COP1: variants seen among roughly 807,000 people sequenced by gnomAD.
The protein encoded by COP1 is E3 ubiquitin-protein ligase COP1.
In COP1, 24 loss-of-function variants were observed where a neutral mutation model predicts 101.3. The observed-to-expected ratio is 0.24, with a 90% CI of 0.17 to 0.33. COP1 has a LOEUF of 0.33. Ranked by LOEUF, COP1 falls within the 10% of genes least tolerant of loss-of-function variation. COP1 has a pLI of 1.00. For missense variants in COP1, 663 were observed against 906.2 expected, an observed-to-expected ratio of 0.73 and a Z score of 3.45; for synonymous variants, 347 against 341.9, an observed-to-expected ratio of 1.01 and a Z score of -0.17.
intron 1 of COP1, among the ~76,000 whole-genome samples, chr1:176,199,690 G>A (rs993686267): frequency 2.0e-5 from 3 of 152,092 alleles, no homozygotes; most frequent in African/African-American, 7.2e-5. Context: ...CCGACTAAAG[G>A]ACTCCATTAA....
In COP1 at chr1:176,207,218, G is replaced by T; in HGVS notation, c.-240C>A. ...AGGCACTACCGCTGTCGAGGCCGCCGCCGCCACCGCGGTCCCTGTAGCAGC... is the reference window on the plus strand; with the variant it reads ...AGGCACTACCGCTGTCGAGGCCGCCTCCGCCACCGCGGTCCCTGTAGCAGC... On this transcript the variant is annotated 5_prime_UTR_variant, in exon 1 of 20. Transcript: ENST00000367669. 1 of 401,658 alleles carries T rather than the reference G, an allele frequency of 2.5e-6. No homozygotes were observed. The highest frequency in any genetic ancestry group is 3.6e-5 in the East Asian group (1 of 28,024). 24.9% of individuals were successfully genotyped at this position (401,658 alleles called of 1,614,324 possible). A position where few individuals can be genotyped will look rare whatever the true frequency, so the allele number is the denominator to read the frequency against.
chr1:175,956,301 T>G (rs1394841256), intron 18 of COP1, among the ~76,000 whole-genome samples: 3 of 152,088 alleles, frequency 2.0e-5, no homozygotes, highest in African/African-American at 7.2e-5. Flanking sequence ...CAACCATATG[T>G]GTGCTAAAAC....
chr1:176,117,790 G>C (rs1686457618), intron 8 of COP1, among the ~76,000 whole-genome samples: 1 of 152,118 alleles, frequency 6.6e-6, no homozygotes, highest in Admixed American at 6.5e-5. Flanking sequence ...AGCTACTTGG[G>C]AGGCTGAGGC....
chr1:175,985,435 A>C (rs1656871615), intron 18 of COP1, among the ~76,000 whole-genome samples: 1 of 152,230 alleles, frequency 6.6e-6, no homozygotes, highest in African/African-American at 2.4e-5. Context: ...GGTCACCTCA[A>C]TTCAATTTCA....
At chr1:176,154,352 AGCAC>A (rs1309422089) in intron 5 of COP1, among the ~76,000 whole-genome samples, 1 of 152,224 alleles carries the variant, frequency 6.6e-6, no homozygotes, top group Non-Finnish European at 1.5e-5. Context: ...TGTTCACTGC[AGCAC>A]TATTTACAAT....
chr1:175,992,745 A>G (rs1658917920), intron 15 of COP1, among the ~76,000 whole-genome samples: 1 of 152,232 alleles, frequency 6.6e-6, no homozygotes, highest in African/African-American at 2.4e-5. Context: ...GCAGCTGGGA[A>G]GCTCGAACTG....
chr1:176,151,361 GAA>G (rs1454673236), intron 5 of COP1, among the ~76,000 whole-genome samples: 95 of 56,888 alleles, frequency 1.7e-3, no homozygotes, highest in Middle Eastern at 0.013. Context: ...GAAAAAGAAA[GAA>G]AGAAAGAAAG....
intron 9 of COP1, among the ~76,000 whole-genome samples, chr1:176,088,160 G>A (rs1168591473): frequency 4.0e-5 from 6 of 151,898 alleles, no homozygotes; most frequent in Admixed American, 3.3e-4. Flanking sequence ...TGTAAATGAC[G>A]AGTTAACGGG....
intron 8 of COP1, among the ~76,000 whole-genome samples, chr1:176,118,852 T>G (rs1173834086): frequency 3.3e-5 from 5 of 152,212 alleles, no homozygotes; most frequent in Admixed American, 6.5e-5. Flanking sequence ...TACTCTGACT[T>G]GATCATTACA....
chr1:175,971,637 C>T (rs1177910996), intron 18 of COP1, among the ~76,000 whole-genome samples: 2 of 152,178 alleles, frequency 1.3e-5, no homozygotes, highest in African/African-American at 4.8e-5. Flanking sequence ...CATCTCTTCC[C>T]ATGAGCTATT....
chr1:176,200,949 C>T (rs1046130815), intron 1 of COP1, among the ~76,000 whole-genome samples: 3 of 152,224 alleles, frequency 2.0e-5, no homozygotes, highest in African/African-American at 7.2e-5. Flanking sequence ...GACTCAAACT[C>T]CTGGAGCTGA....
chr1:176,131,092 T>C (rs1688810246), intron 8 of COP1, among the ~76,000 whole-genome samples: 2 of 151,798 alleles, frequency 1.3e-5, no homozygotes, highest in East Asian at 1.9e-4. Context: ...CCTAACATTC[T>C]GCTTTGAGAG....
rs538512000 is a variant in COP1 at position 176,016,383 on chromosome 1, G to A, written c.1729+11189C>T. ...AAGCGAGGAAAGTTTTTCCAGAAGT[G>A]AGTGGTCAACAGTGTTGACTACTAC... On this transcript the variant is annotated intron_variant, in intron 15 of 19. Transcript: ENST00000367669. Among the ~76,000 whole-genome samples the A allele has an allele frequency of 3.3e-5, 5 of 152,330 alleles. No individual in the cohort carries two copies. The East Asian group carries it at 7.7e-4, about 23-fold the overall frequency.
chr1:176,071,585 T>C (rs542667627), intron 11 of COP1, among the ~76,000 whole-genome samples: 1 of 152,270 alleles, frequency 6.6e-6, no homozygotes, highest in Admixed American at 6.5e-5. Context: ...ATATAACTGA[T>C]CTTAGGATCA....
At chr1:175,996,216 C>G (rs557765288) in intron 15 of COP1, among the ~76,000 whole-genome samples, 1 of 152,294 alleles carries the variant, frequency 6.6e-6, no homozygotes, top group Admixed American at 6.5e-5. Context: ...GCTAAAAACT[C>G]TCAATAAATT....
intron 15 of COP1, among the ~76,000 whole-genome samples, chr1:176,022,097 CAT>C (rs755371816): frequency 6.6e-6 from 1 of 152,114 alleles, no homozygotes; most frequent in Non-Finnish European, 1.5e-5. Flanking sequence ...GCTCAGAAGA[CAT>C]ATGTTTTCAT....
chr1:175,964,906 G>C (rs1225032641), intron 18 of COP1, among the ~76,000 whole-genome samples: 1 of 152,132 alleles, frequency 6.6e-6, no homozygotes, highest in Non-Finnish European at 1.5e-5. Flanking sequence ...AGAGCCTCTT[G>C]TCTTATTTGG....
At chr1:176,182,871 G>C (rs373879799) in intron 2 of COP1, among the ~76,000 whole-genome samples, 2 of 152,038 alleles carry the variant, frequency 1.3e-5, no homozygotes, top group African/African-American at 4.8e-5. Context: ...AAGTATTCAA[G>C]AAAGTAAAAT....
chr1:176,076,121 G>A (rs1677955691), intron 11 of COP1, among the ~76,000 whole-genome samples: 1 of 151,386 alleles, frequency 6.6e-6, no homozygotes, highest in Non-Finnish European at 1.5e-5. Flanking sequence ...TTGACCAACT[G>A]GATACACATT....
Sources: gnomAD v4.1 joint callset for allele counts (sites outside exome capture counted in the v4.1 genomes callset) on GRCh38, gnomAD v4.1.1 for gene constraint, MANE v1.5 for transcripts, NCBI Gene and HGNC (gene_info 2026-07-23, HGNC 2026-07-21) for gene names.